NRXN1: variants seen among roughly 807,000 people sequenced by gnomAD.
NRXN1 encodes neurexin-1.
A neutral mutation model predicts 150.9 loss-of-function variants in NRXN1; 39 were observed. That is an observed-to-expected ratio of 0.26 (90% CI 0.20 to 0.34). The LOEUF (loss-of-function observed/expected upper bound fraction) is 0.34, where lower values mean the gene tolerates loss of function less well. Among genes scored for constraint, NRXN1 ranks in the 10% least tolerant of loss-of-function variants. NRXN1 has a pLI of 1.00. For missense variants in NRXN1, 1,815 were observed against 1,949.9 expected (o/e 0.93, Z 1.30); for synonymous variants, 924 against 757.0 (o/e 1.22, Z -3.62).
intron 5 of NRXN1, among the ~76,000 whole-genome samples, chr2:50,668,769 T>C (rs1449557214): frequency 1.3e-5 from 2 of 151,952 alleles, no homozygotes; most frequent in Non-Finnish European, 2.9e-5. Context: ...AGAGCATGTG[T>C]ATCAGTTTTG....
intron 17 of NRXN1, among the ~76,000 whole-genome samples, chr2:50,381,229 G>GA (rs5831118): frequency 0.12 from 18,803 of 150,908 alleles, 1,947 homozygotes; most frequent in East Asian, 0.35. Flanking sequence ...TACTTATGAG[G>GA]AAAAAAAAAT....
chr2:50,269,427 T>C (rs1246707028), intron 17 of NRXN1, among the ~76,000 whole-genome samples: 2 of 152,240 alleles, frequency 1.3e-5, no homozygotes, highest in Admixed American at 6.5e-5. Flanking sequence ...TTTAAGTCCA[T>C]GATTACGTCT....
In NRXN1 at chr2:50,346,331, C is replaced by T. The variant is rs1158052815; in HGVS notation, c.3365-109361G>A. On this transcript the variant is annotated intron_variant, in intron 17 of 22. Transcript: ENST00000401669. The surrounding 1 kb of genome is among the most constrained non-coding windows in gnomAD (Gnocchi z 5.0). The stretch of plus-strand genomic sequence containing the variant: ...CCCTCTTCTCTCTGGTGCTCAGGTC[C>T]CTTAGCTGAGCGCGGCGCCCCATCC... 6.6e-6 allele frequency among the ~76,000 whole-genome samples: 1 copy of T among 152,170 alleles called. No individual in the cohort carries two copies. Among genetic ancestry groups the T allele is most frequent in the African/African-American group, 2.4e-5 (1 of 41,460 alleles).
At chr2:50,265,991 TATTATTATTTA>T (rs1451096555) in intron 17 of NRXN1, among the ~76,000 whole-genome samples, 1,261 of 90,776 alleles carry the variant, frequency 0.014, 11 homozygotes, top group African/African-American at 0.036. Flanking sequence ...TTATTATTAT[TATTATTATTTA>T]TTTTTTTTTT....
At chr2:50,264,261 C>T (rs895013924) in intron 17 of NRXN1, among the ~76,000 whole-genome samples, 1 of 151,874 alleles carries the variant, frequency 6.6e-6, no homozygotes, top group Non-Finnish European at 1.5e-5. Flanking sequence ...CAAAGAAAAT[C>T]AGTCACAATT....
chr2:50,202,742 TAG>T, intron 18 of NRXN1, among the ~76,000 whole-genome samples: 1 of 152,110 alleles, frequency 6.6e-6, no homozygotes, highest in African/African-American at 2.4e-5. Flanking sequence ...GCAGACCAAA[TAG>T]CTTCAACATT....
chr2:50,947,505 G>A (rs1001597550), intron 2 of NRXN1, among the ~76,000 whole-genome samples: 3 of 151,398 alleles, frequency 2.0e-5, no homozygotes, highest in Middle Eastern at 3.2e-3. Flanking sequence ...TCCCATGCAC[G>A]GCAATGGAGA....
At chr2:50,858,791 A>G (rs1675646347) in intron 5 of NRXN1, among the ~76,000 whole-genome samples, 1 of 152,146 alleles carries the variant, frequency 6.6e-6, no homozygotes, top group Non-Finnish European at 1.5e-5. Flanking sequence ...ACATATTTCT[A>G]TATAAAATTG....
At chr2:50,357,134 G>A (rs1020133500) in intron 17 of NRXN1, among the ~76,000 whole-genome samples, 13 of 151,958 alleles carry the variant, frequency 8.6e-5, no homozygotes, top group Non-Finnish European at 1.8e-4. Context: ...AAAAAATTTT[G>A]TAGAGGCATG....
At chr2:50,068,138 ATC>A (rs1695647447) in intron 19 of NRXN1, among the ~76,000 whole-genome samples, 1 of 152,108 alleles carries the variant, frequency 6.6e-6, no homozygotes, top group Admixed American at 6.5e-5. Context: ...ATGGACTTCA[ATC>A]TCTCTCTTCC....
At chr2:50,795,421 G>A (rs918209955) in intron 5 of NRXN1, among the ~76,000 whole-genome samples, 1 of 152,020 alleles carries the variant, frequency 6.6e-6, no homozygotes, top group Non-Finnish European at 1.5e-5. Context: ...ATCAACCTCT[G>A]TGCTCATCAG....
intron 18 of NRXN1, among the ~76,000 whole-genome samples, chr2:50,219,963 T>A (rs1283302359): frequency 4.9e-5 from 3 of 60,734 alleles, no homozygotes; most frequent in Non-Finnish European, 8.4e-5. Context: ...AATATATATA[T>A]TATATATATA....
intron 5 of NRXN1, among the ~76,000 whole-genome samples, chr2:50,884,424 T>A (rs1679915238): frequency 6.6e-6 from 1 of 151,756 alleles, no homozygotes; most frequent in African/African-American, 2.4e-5. Context: ...AAATAATGCA[T>A]TTCTGTGATT....
At chr2:50,096,375 G>C (rs1573889077) in intron 18 of NRXN1, among the ~76,000 whole-genome samples, 1 of 152,114 alleles carries the variant, frequency 6.6e-6, no homozygotes, top group South Asian at 2.1e-4. Context: ...ATGTTTATAG[G>C]ATAGCAAGTC....
chr2:50,582,431 C>T (rs1406997530), intron 8 of NRXN1, among the ~76,000 whole-genome samples: 1 of 123,892 alleles, frequency 8.1e-6, no homozygotes, highest in Non-Finnish European at 1.6e-5. Flanking sequence ...CAGTGAGCCG[C>T]GACTGTGCCA....
chr2:50,969,853 A>G (rs1002879186), intron 2 of NRXN1, among the ~76,000 whole-genome samples: 1 of 152,200 alleles, frequency 6.6e-6, no homozygotes, highest in South Asian at 2.1e-4. Context: ...TAATATGTAT[A>G]TATGGGAGCC....
intron 21 of NRXN1, chr2:50,019,399 C>A (rs1388768157): frequency 6.6e-6 from 3 of 453,126 alleles, no homozygotes; most frequent in Non-Finnish European, 1.4e-5. Context: ...AATCCTAGCA[C>A]TTTGGGAGGC....
intron 18 of NRXN1, among the ~76,000 whole-genome samples, chr2:50,216,334 C>A (rs2063398274): frequency 6.6e-6 from 1 of 151,852 alleles, no homozygotes; most frequent in Non-Finnish European, 1.5e-5. Flanking sequence ...ATTGTTTTTT[C>A]AAACTTAATG....
chr2:49,930,436 A>T (rs1253591633), intron 22 of NRXN1, among the ~76,000 whole-genome samples: 1 of 152,196 alleles, frequency 6.6e-6, no homozygotes, highest in Non-Finnish European at 1.5e-5. Context: ...AGTATGGAGA[A>T]AACTACACAC....
Sources: allele counts gnomAD v4.1 joint callset (sites outside exome capture counted in the v4.1 genomes callset), GRCh38; gene constraint gnomAD v4.1.1; non-coding constraint Gnocchi (gnomAD v3.1); transcripts MANE v1.5; gene names NCBI Gene and HGNC (gene_info 2026-07-23, HGNC 2026-07-21).